The following PTPRT variants were observed in gnomAD, a reference collection of about 807,000 sequenced individuals.
PTPRT encodes the protein protein tyrosine phosphatase receptor type T, also known as receptor-type tyrosine-protein phosphatase T.
Under a neutral mutation model 176.8 loss-of-function variants are expected in PTPRT, and 56 were observed. That is an observed-to-expected ratio of 0.32 (90% CI 0.26 to 0.40). The LOEUF (loss-of-function observed/expected upper bound fraction) is 0.40, where lower values mean the gene tolerates loss of function less well. Among genes scored for constraint, PTPRT ranks in the 10% least tolerant of loss-of-function variants. PTPRT has a pLI of 1.00. For missense variants in PTPRT, 1,540 were observed against 1,908.2 expected (o/e 0.81, Z 3.60); for synonymous variants, 783 against 739.0 (o/e 1.06, Z -0.96).
intron 1 of PTPRT, among the ~76,000 whole-genome samples, chr20:43,182,394 C>CT (rs780419199): frequency 0.044 from 6,410 of 146,352 alleles, 180 homozygotes; most frequent in Non-Finnish European, 0.068. Context: ...CATCTTCCTT[C>CT]TTTTTTTTTT....
At chr20:42,507,108 T>C (rs2071860540) in intron 7 of PTPRT, among the ~76,000 whole-genome samples, 1 of 152,124 alleles carries the variant, frequency 6.6e-6, no homozygotes, top group South Asian at 2.1e-4. Flanking sequence ...CCAATATTTG[T>C]TTCCCACTCA....
chr20:42,294,648 TG>T (rs1331531973), intron 12 of PTPRT, among the ~76,000 whole-genome samples: 2 of 150,034 alleles, frequency 1.3e-5, no homozygotes, highest in Admixed American at 6.7e-5. Context: ...AAACAGAAAA[TG>T]TCAAAACACC....
intron 7 of PTPRT, among the ~76,000 whole-genome samples, chr20:42,676,961 C>A (rs979900374): frequency 1.3e-5 from 2 of 152,026 alleles, no homozygotes; most frequent in African/African-American, 2.4e-5. Context: ...TCTCAGCCAG[C>A]AAACTCTTAC....
chr20:42,774,264 A>C (rs1443886543), intron 4 of PTPRT, among the ~76,000 whole-genome samples: 1 of 152,218 alleles, frequency 6.6e-6, no homozygotes, highest in African/African-American at 2.4e-5. Context: ...GAGAAAAATA[A>C]AGATTTCTTT....
chr20:42,074,792 T>A lies in PTPRT; in HGVS notation c.*6087A>T. 2.5e-6 allele frequency: 1 copy of A among 398,512 alleles called. No individual in the cohort carries two copies. The highest frequency in any genetic ancestry group is 4.4e-6 in the Non-Finnish European group (1 of 226,046). 24.7% of individuals were successfully genotyped at this position (398,512 alleles called of 1,614,324 possible). A position where few individuals can be genotyped will look rare whatever the true frequency, so the allele number is the denominator to read the frequency against. On this transcript the variant is annotated 3_prime_UTR_variant, in exon 31 of 31. Coordinates refer to ENST00000373187, the MANE Select transcript of PTPRT (RefSeq NM_007050.6). ...GACCTTTTCCCATCTCTTCTGGAGG[T>A]GGGCAGGTGGGATGCAAAAGACTGG... is the stretch of plus-strand genomic sequence containing the variant.
At position 42,372,026 on chromosome 20, in the gene PTPRT, A is replaced by G. The variant is rs554958417; in HGVS notation, c.1561-19741T>C. On this transcript the variant is annotated intron_variant, in intron 9 of 30. Coordinates refer to ENST00000373187, the MANE Select transcript of PTPRT (RefSeq NM_007050.6). ...TGTTTATGCAGCTAGTCTTCAGGCTATTTTGGGTACTGGGGGGAGAGTGGA... is the reference window on the plus strand; with the variant it reads ...TGTTTATGCAGCTAGTCTTCAGGCTGTTTTGGGTACTGGGGGGAGAGTGGA... Among the ~76,000 whole-genome samples the G allele has an allele frequency of 1.7e-3, 253 of 152,284 alleles. 2 individuals are homozygous for G. Among genetic ancestry groups the G allele is most frequent in the African/African-American group, 4.8e-3 (198 of 41,556 alleles).
chr20:42,257,550 C>T (rs547131067), intron 13 of PTPRT, among the ~76,000 whole-genome samples: 2 of 149,854 alleles, frequency 1.3e-5, no homozygotes, highest in African/African-American at 2.5e-5. Context: ...CCCTCATGAA[C>T]GGTTTAGCAC....
At chr20:42,039,643 C>G in the PTPRT span, among the ~76,000 whole-genome samples, 51 of 142,934 alleles carry the variant, frequency 3.6e-4, no homozygotes, top group African/African-American at 1.3e-3. Flanking sequence ...TATGTTATTT[C>G]AAATGATGAG....
intron 7 of PTPRT, among the ~76,000 whole-genome samples, chr20:42,481,414 T>C (rs1247268779): frequency 6.6e-6 from 1 of 152,128 alleles, no homozygotes; most frequent in Non-Finnish European, 1.5e-5. Flanking sequence ...TTTAAAACCA[T>C]TTTGGCCAAC....
chr20:42,646,882 C>CTTTTTTTTTTTTTTTTTTTT (rs1161994908), intron 7 of PTPRT, among the ~76,000 whole-genome samples: 2 of 76,282 alleles, frequency 2.6e-5, no homozygotes, highest in African/African-American at 1.5e-4. Flanking sequence ...CTAAGACAGC[C>CTTTTTTTTTTTTTTTTTTTT]TTTTTTTTTT....
At chr20:42,421,282 G>GAA (rs2059116651) in intron 9 of PTPRT, among the ~76,000 whole-genome samples, 1 of 150,604 alleles carries the variant, frequency 6.6e-6, no homozygotes. Flanking sequence ...ACACACGCAT[G>GAA]CACACACACA....
intron 1 of PTPRT, among the ~76,000 whole-genome samples, chr20:42,903,345 T>C (rs1244992648): frequency 2.0e-5 from 3 of 152,254 alleles, no homozygotes; most frequent in African/African-American, 7.2e-5. Context: ...GCCATCATCT[T>C]TCTGCTGCAA....
At chr20:43,102,426 A>G (rs1181042095) in intron 1 of PTPRT, among the ~76,000 whole-genome samples, 2 of 152,232 alleles carry the variant, frequency 1.3e-5, no homozygotes, top group African/African-American at 4.8e-5. Flanking sequence ...AATAGGAGAC[A>G]TAAGTGTATT....
chr20:42,138,372 G>A (rs770381114), intron 18 of PTPRT, among the ~76,000 whole-genome samples: 2 of 152,148 alleles, frequency 1.3e-5, no homozygotes, highest in Admixed American at 1.3e-4. Flanking sequence ...ACCAAAGGTC[G>A]CACCCACCTC....
intron 9 of PTPRT, among the ~76,000 whole-genome samples, chr20:42,381,302 A>T (rs1385749752): frequency 6.6e-6 from 1 of 152,152 alleles, no homozygotes; most frequent in Non-Finnish European, 1.5e-5. Flanking sequence ...TTGGACAACA[A>T]AACGTGAGCA....
At chr20:42,272,936 G>C (rs1418595363) in intron 13 of PTPRT, among the ~76,000 whole-genome samples, 1 of 152,128 alleles carries the variant, frequency 6.6e-6, no homozygotes, top group East Asian at 1.9e-4. Context: ...TTGCAACCTT[G>C]TTCGACATGA....
chr20:43,040,966 C>T (rs76499878), intron 1 of PTPRT, among the ~76,000 whole-genome samples: 3,154 of 152,246 alleles, frequency 0.021, 79 homozygotes, highest in Non-Finnish European at 0.028. Context: ...TGTGGCACCC[C>T]GACCAGCAGC....
At chr20:42,089,266 T>G (rs944325187) in intron 27 of PTPRT, among the ~76,000 whole-genome samples, 25 of 152,172 alleles carry the variant, frequency 1.6e-4, no homozygotes, top group Admixed American at 5.9e-4. Context: ...TTCACAGTAA[T>G]GAGAGATTGG....
chr20:42,330,703 AC>A (rs2057953665), intron 11 of PTPRT, among the ~76,000 whole-genome samples: 1 of 152,040 alleles, frequency 6.6e-6, no homozygotes, highest in Admixed American at 6.6e-5. Context: ...ACATAGTGAG[AC>A]CCCATCTCTA....
Sources: allele counts gnomAD v4.1 joint callset (sites outside exome capture counted in the v4.1 genomes callset), GRCh38; gene constraint gnomAD v4.1.1; transcripts MANE v1.5; gene names NCBI Gene and HGNC (gene_info 2026-07-23, HGNC 2026-07-21).